The following ZFYVE28 variants were observed in gnomAD, a reference collection of about 807,000 sequenced individuals.
The protein encoded by ZFYVE28 is lateral signaling target protein 2 homolog.
A neutral mutation model predicts 82.1 loss-of-function variants in ZFYVE28; 40 were observed. The ratio of observed to expected loss-of-function variants is 0.49; its 90% CI spans 0.38 to 0.63. ZFYVE28 has a LOEUF of 0.63. ZFYVE28 is among the 30% of genes least tolerant of loss of function. The pLI is 0.00. For synonymous variants in ZFYVE28, 612 were observed against 546.1 expected (o/e 1.12, Z -1.68); for missense variants, 1,321 against 1,242.1 (o/e 1.06, Z -0.96).
chr4:2,409,016 C>T lies in ZFYVE28; in HGVS notation c.39+9269G>A, dbSNP rs1321757893. ...TTTAAAAATGTTTTTGTGATTTTAT[C>T]CAACATGCCTGGGCATCTCGCAGTG... On this transcript the variant is annotated intron_variant, in intron 1 of 12. Coordinates refer to ENST00000290974, the MANE Select transcript of ZFYVE28 (RefSeq NM_020972.3). This position sits in a 1 kb window ranked among gnomAD's most constrained non-coding sequence, Gnocchi z 4.4. Among the ~76,000 whole-genome samples, 1 of 152,152 alleles carries T rather than the reference C, an allele frequency of 6.6e-6. No individual in the cohort carries two copies. Among genetic ancestry groups the T allele is most frequent in the Admixed American group, 6.5e-5 (1 of 15,278 alleles).
At chr4:2,274,011 C>T (rs1212209958) in intron 9 of ZFYVE28, 51 bp downstream of exon 9, 1 of 1,597,144 alleles carries the variant, frequency 6.3e-7, no homozygotes, top group Middle Eastern at 1.7e-4. Flanking sequence ...CCCTAAAGCG[C>T]AGCCCGTGTG....
chr4:2,352,755 C>T (rs1724667477), intron 2 of ZFYVE28, among the ~76,000 whole-genome samples: 1 of 152,182 alleles, frequency 6.6e-6, no homozygotes, highest in Admixed American at 6.5e-5. Context: ...CTCTCAAACT[C>T]ACTTAAAACC....
At chr4:2,404,866 T>TTC (rs1560349363) in intron 1 of ZFYVE28, among the ~76,000 whole-genome samples, 7 of 148,492 alleles carry the variant, frequency 4.7e-5, no homozygotes, top group Admixed American at 1.3e-4. Context: ...TCTTTTTTTT[T>TTC]TTTTTTTTTT....
At chr4:2,327,645 T>C (rs1241785453) in intron 6 of ZFYVE28, among the ~76,000 whole-genome samples, 2 of 152,194 alleles carry the variant, frequency 1.3e-5, no homozygotes, top group African/African-American at 4.8e-5. Context: ...TTTTTCATCA[T>C]AAAATGATGT....
chr4:2,361,138 G>A (rs1427473560), intron 1 of ZFYVE28, among the ~76,000 whole-genome samples: 1 of 152,100 alleles, frequency 6.6e-6, no homozygotes, highest in Admixed American at 6.6e-5. Flanking sequence ...TTTTCTCAAA[G>A]ATAAACAGTG....
intron 1 of ZFYVE28, among the ~76,000 whole-genome samples, chr4:2,361,518 A>G (rs1469883546): frequency 6.6e-6 from 1 of 152,178 alleles, no homozygotes; most frequent in African/African-American, 2.4e-5. Flanking sequence ...CTCAGAGTTT[A>G]CACGCACTAC....
rs1578453729 is a variant in ZFYVE28, at chr4:2,418,389, G to C, written c.-66C>G. On this transcript the variant is annotated 5_prime_UTR_variant, in exon 1 of 13. Transcript: ENST00000290974. The surrounding 1 kb of genome is among the most constrained non-coding windows in gnomAD (Gnocchi z 4.6). The stretch of plus-strand genomic sequence containing the variant: ...CTCCGCAGCGCTGCGCCCGGGCCCG[G>C]CTGAGGCGCGGGGCGGACGCGGAGG... 1 of 1,195,334 alleles carries C rather than the reference G, an allele frequency of 8.4e-7. No individual in the cohort carries two copies. The highest frequency in any genetic ancestry group is 1.0e-6 in the Non-Finnish European group (1 of 959,506). 74.0% of individuals were successfully genotyped at this position (1,195,334 alleles called of 1,614,324 possible).
intron 1 of ZFYVE28, among the ~76,000 whole-genome samples, chr4:2,392,822 G>C (rs1729978469): frequency 6.6e-6 from 1 of 152,116 alleles, no homozygotes; most frequent in Non-Finnish European, 1.5e-5. Context: ...TATTTAAAGT[G>C]GCATCAGTCG....
intron 5 of ZFYVE28, among the ~76,000 whole-genome samples, chr4:2,336,402 C>T (rs1005592633): frequency 6.6e-6 from 1 of 152,180 alleles, no homozygotes; most frequent in African/African-American, 2.4e-5. Flanking sequence ...AAATAACAAA[C>T]ATACAATGTG....
intron 8 of ZFYVE28, among the ~76,000 whole-genome samples, chr4:2,288,350 C>T (rs563554599): frequency 5.9e-5 from 9 of 152,338 alleles, no homozygotes; most frequent in African/African-American, 2.2e-4. Flanking sequence ...CTAATGAGGG[C>T]AAGTCCTGAT....
At chr4:2,360,508 C>G (rs968642442) in intron 1 of ZFYVE28, among the ~76,000 whole-genome samples, 8 of 151,836 alleles carry the variant, frequency 5.3e-5, no homozygotes, top group African/African-American at 1.9e-4. Flanking sequence ...CCATTCAGGA[C>G]CAGTATTTCA....
rs1553866929 is a variant in ZFYVE28 at position 2,404,321 on chromosome 4, A to AAAAAC, written c.39+13963_39+13964insGTTTT. 4.0e-5 allele frequency among the ~76,000 whole-genome samples: 6 copies of AAAAAC among 150,884 alleles called. No homozygotes were observed. In the East Asian group the frequency reaches 1.2e-3, roughly 30 times the overall value. Reference sequence around the variant, plus strand: ...CGAGACTCCGCCTCAAAAAAAAAAAAAAAAAAACGCTGAAGATGGAGCTAC... The same window carrying AAAAAC: ...CGAGACTCCGCCTCAAAAAAAAAAAAAAAACAAAAAAACGCTGAAGATGGAGCTAC... On this transcript the variant is annotated intron_variant, in intron 1 of 12. Transcript: ENST00000290974.
intron 1 of ZFYVE28, among the ~76,000 whole-genome samples, chr4:2,399,762 CCT>C (rs1730973377): frequency 1.3e-5 from 2 of 152,360 alleles, no homozygotes; most frequent in East Asian, 1.9e-4. Flanking sequence ...AGTGCAGGCC[CCT>C]GACTTGGAGC....
chr4:2,410,518 TAG>T (rs1732415917), intron 1 of ZFYVE28, among the ~76,000 whole-genome samples: 1 of 150,846 alleles, frequency 6.6e-6, no homozygotes, highest in South Asian at 2.1e-4. Flanking sequence ...TTTTTTGAGA[TAG>T]AGTCTCGCTC....
chr4:2,375,501 G>A (rs569410992), intron 1 of ZFYVE28, among the ~76,000 whole-genome samples: 11 of 152,350 alleles, frequency 7.2e-5, no homozygotes, highest in Admixed American at 3.9e-4. Flanking sequence ...CACCCAGCCA[G>A]GTGCTGGCTC....
chr4:2,405,500 C>A (rs1731780400), intron 1 of ZFYVE28, among the ~76,000 whole-genome samples: 1 of 152,266 alleles, frequency 6.6e-6, no homozygotes, highest in African/African-American at 2.4e-5. Flanking sequence ...TCATTCCCTG[C>A]AGTGCCCCGC....
rs35604630 is a variant in ZFYVE28 at position 2,316,989 on chromosome 4, CTT to C, written c.803+3179_803+3180del. Among the ~76,000 whole-genome samples the C allele has an allele frequency of 7.3e-3, 917 of 125,752 alleles. 33 individuals are homozygous for C. The East Asian group carries it at 0.13, about 18-fold the overall frequency. The allele number at this position is 125,752 out of a possible 152,430, so 82.5% of individuals were successfully genotyped here. On this transcript the variant is annotated intron_variant, in intron 7 of 12. Transcript: ENST00000290974. ...TTACAGTATTTTCTTGTTTCTTTAA[CTT>C]TTTTTTTTTTTTTTTGAGACAGAGT...
chr4:2,407,235 C>T (rs1732021602), intron 1 of ZFYVE28, among the ~76,000 whole-genome samples: 1 of 152,216 alleles, frequency 6.6e-6, no homozygotes, highest in Non-Finnish European at 1.5e-5. Flanking sequence ...TTTTTGTCTT[C>T]GTCTAAAACT....
chr4:2,411,946 C>T (rs1732563430), intron 1 of ZFYVE28, among the ~76,000 whole-genome samples: 1 of 152,206 alleles, frequency 6.6e-6, no homozygotes, highest in South Asian at 2.1e-4. Context: ...ACATGGTGAA[C>T]CCCATTGCTG....
Sources: allele counts gnomAD v4.1 joint callset (sites outside exome capture counted in the v4.1 genomes callset), GRCh38; gene constraint gnomAD v4.1.1; non-coding constraint Gnocchi (gnomAD v3.1); transcripts MANE v1.5; gene names NCBI Gene and HGNC (gene_info 2026-07-23, HGNC 2026-07-21).